The following FBN1 variants were observed in gnomAD, a reference collection of about 807,000 sequenced individuals.
FBN1 encodes fibrillin-1.
FBN1 carries 29 observed loss-of-function variants against 365.1 expected under a neutral mutation model. The observed-to-expected ratio is 0.08, with a 90% confidence interval of 0.06 to 0.11. The LOEUF (loss-of-function observed/expected upper bound fraction) is 0.11, where lower values mean the gene tolerates loss of function less well. Among genes scored for constraint, FBN1 ranks in the 10% least tolerant of loss-of-function variants. The pLI, the probability that FBN1 is intolerant of heterozygous loss-of-function variation, is 1.00. For synonymous variants in FBN1, 1,210 were observed against 1,270.5 expected, an observed-to-expected ratio of 0.95 and a Z score of 1.01; for missense variants, 2,476 against 3,703.2, an observed-to-expected ratio of 0.67 and a Z score of 8.60.
At chr15:48,436,124 T>C (rs1185894224) in intron 53 of FBN1, among the ~76,000 whole-genome samples, 1 of 152,200 alleles carries the variant, frequency 6.6e-6, no homozygotes, top group African/African-American at 2.4e-5. Context: ...TGTTCTACTA[T>C]AATATTCAAT....
chr15:48,480,564 T>C (rs968505720), intron 32 of FBN1, among the ~76,000 whole-genome samples: 7 of 152,164 alleles, frequency 4.6e-5, no homozygotes, highest in Admixed American at 2.6e-4. Context: ...TCTGTTATTT[T>C]TGAACCAACA....
chr15:48,520,858 GATA>G, intron 9 of FBN1, 41 bp from the exon 10 acceptor site: 1 of 1,612,786 alleles, frequency 6.2e-7, no homozygotes. Context: ...ACATCGCTGA[GATA>G]ATACTTGTAA....
intron 6 of FBN1, among the ~76,000 whole-genome samples, chr15:48,575,701 C>T (rs928698597): frequency 5.9e-5 from 9 of 151,918 alleles, no homozygotes; most frequent in Non-Finnish European, 8.8e-5. Context: ...ATTAAAAAGA[C>T]GCCTGTACTC....
At chr15:48,458,706 C>T (rs1338468958) in intron 43 of FBN1, among the ~76,000 whole-genome samples, 1 of 152,018 alleles carries the variant, frequency 6.6e-6, no homozygotes. Context: ...CTTTTCCTGT[C>T]AGGATTTTAT....
chr15:48,429,881 C>T lies in FBN1; in HGVS notation c.6871+790G>A, dbSNP rs148643354. 4.2e-3 allele frequency among the ~76,000 whole-genome samples: 644 copies of T among 152,166 alleles called. 4 individuals carry two copies. The highest frequency in any genetic ancestry group is 6.8e-3 in the Non-Finnish European group (464 of 68,004). On this transcript the variant is annotated intron_variant, in intron 56 of 65. Coordinates refer to ENST00000316623, the MANE Select transcript of FBN1 (RefSeq NM_000138.5). The stretch of plus-strand genomic sequence containing the variant: ...TTTATTATTAAAAAGAAAGAGAATG[C>T]GTGTGAGAAGGTTTTAATAATTTTC...
intron 31 of FBN1, 141 bp from the exon 32 acceptor site, chr15:48,481,921 C>G (rs536719365): frequency 2.5e-6 from 2 of 813,066 alleles, no homozygotes; most frequent in African/African-American, 1.7e-5. Context: ...ATTTTAGAGG[C>G]CAATTTACAT....
At chr15:48,458,339 T>C (rs539110807) in intron 43 of FBN1, among the ~76,000 whole-genome samples, 38 of 152,334 alleles carry the variant, frequency 2.5e-4, no homozygotes, top group East Asian at 2.1e-3. Flanking sequence ...AAAAAAGGGC[T>C]TGATTTTGTG....
Position 48,566,543 on chromosome 15 carries a change from G to C in FBN1, c.539-28735C>G, listed in dbSNP as rs941542002. ...CCTGAATCATCCAAAATTTAGTAAA[G>C]CATGTTTACTGTTACTTTTTAACAT... On this transcript the variant is annotated intron_variant, in intron 6 of 65. Transcript: ENST00000316623. 1.1e-4 allele frequency among the ~76,000 whole-genome samples: 17 copies of C among 152,258 alleles called. No individual in the cohort carries two copies. In the East Asian group the frequency reaches 1.5e-3, roughly 14 times the overall value.
At chr15:48,452,327 A>G (rs2043207622) in intron 45 of FBN1, among the ~76,000 whole-genome samples, 1 of 152,222 alleles carries the variant, frequency 6.6e-6, no homozygotes, top group South Asian at 2.1e-4. Context: ...ATGTATGCGA[A>G]TGATTTACTT....
chr15:48,478,799 T>TAA (rs2043444670), intron 32 of FBN1, among the ~76,000 whole-genome samples: 2 of 152,184 alleles, frequency 1.3e-5, no homozygotes, highest in Non-Finnish European at 2.9e-5. Flanking sequence ...GCTGGGAATG[T>TAA]AAGTCAGTGG....
At chr15:48,584,747 T>G (rs1457066694) in intron 6 of FBN1, among the ~76,000 whole-genome samples, 2 of 152,156 alleles carry the variant, frequency 1.3e-5, no homozygotes, top group Admixed American at 1.3e-4. Context: ...AAAAAATAAA[T>G]AAATAAAGAA....
chr15:48,422,956 C>T (rs146402314), intron 60 of FBN1, among the ~76,000 whole-genome samples: 2,675 of 151,828 alleles, frequency 0.018, 51 homozygotes, highest in East Asian at 0.081. Flanking sequence ...AAACAAAAAA[C>T]AAAAAACAAA....
intron 42 of FBN1, among the ~76,000 whole-genome samples, chr15:48,461,167 G>GT (rs2043278036): frequency 6.6e-6 from 1 of 152,156 alleles, no homozygotes; most frequent in South Asian, 2.1e-4. Flanking sequence ...TTCCAACACT[G>GT]TAACGCCAGC....
At chr15:48,568,357 C>T (rs941858789) in intron 6 of FBN1, among the ~76,000 whole-genome samples, 1 of 151,848 alleles carries the variant, frequency 6.6e-6, no homozygotes, top group East Asian at 1.9e-4. Context: ...CAAGATAAGT[C>T]GAAAAATCTT....
chr15:48,574,806 C>T (rs1440521206), intron 6 of FBN1, among the ~76,000 whole-genome samples: 1 of 152,198 alleles, frequency 6.6e-6, no homozygotes, highest in Non-Finnish European at 1.5e-5. Context: ...CATTTGGAAA[C>T]TCAAGCCTGA....
intron 6 of FBN1, among the ~76,000 whole-genome samples, chr15:48,570,629 G>A (rs1427529131): frequency 6.6e-6 from 1 of 152,164 alleles, no homozygotes. Flanking sequence ...CTAGGTGATA[G>A]GGTGCTCACT....
intron 24 of FBN1, among the ~76,000 whole-genome samples, chr15:48,490,645 C>A (rs1348184327): frequency 6.6e-6 from 1 of 152,232 alleles, no homozygotes; most frequent in East Asian, 1.9e-4. Flanking sequence ...CACCTAAACA[C>A]GTGCTTAAGG....
At chr15:48,504,016 G>A in intron 16 of FBN1, 77 bp from the exon 17 acceptor site, 1 of 1,551,440 alleles carries the variant, frequency 6.4e-7, no homozygotes, top group Admixed American at 1.7e-5. Context: ...GTTGAAGAGG[G>A]CTTTATTTAT....
chr15:48,434,511 T>A, intron 54 of FBN1, 83 bp downstream of exon 54: 1 of 1,545,806 alleles, frequency 6.5e-7, no homozygotes, highest in Non-Finnish European at 8.9e-7. Context: ...CCCTGAGTTG[T>A]ATTTAATATT....
Sources: gnomAD v4.1 joint callset for allele counts (sites outside exome capture counted in the v4.1 genomes callset) on GRCh38, gnomAD v4.1.1 for gene constraint, MANE v1.5 for transcripts, NCBI Gene and HGNC (gene_info 2026-07-23, HGNC 2026-07-21) for gene names.